Variants in ZFAT observed in about 807,000 individuals in gnomAD.
ZFAT encodes the protein zinc finger and AT-hook domain containing.
Under a neutral mutation model 117.7 loss-of-function variants are expected in ZFAT, and 64 were observed. The ratio of observed to expected loss-of-function variants is 0.54; its 90% confidence interval spans 0.44 to 0.67. The LOEUF is 0.67. ZFAT is among the 30% of genes least tolerant of loss of function. ZFAT has a pLI of 0.00. For synonymous variants in ZFAT, 679 were observed against 615.0 expected, an observed-to-expected ratio of 1.10 and a Z score of -1.54; for missense variants, 1,433 against 1,584.5, an observed-to-expected ratio of 0.90 and a Z score of 1.62.
intron 1 of ZFAT, among the ~76,000 whole-genome samples, chr8:134,682,727 A>G (rs138049088): frequency 6.6e-6 from 1 of 152,302 alleles, no homozygotes; most frequent in East Asian, 1.9e-4. Flanking sequence ...ACATTTCCAT[A>G]TAACTGGGCA....
At chr8:134,644,300 G>A (rs118082049) in intron 2 of ZFAT, among the ~76,000 whole-genome samples, 1,746 of 152,266 alleles carry the variant, frequency 0.011, 15 homozygotes, top group Middle Eastern at 0.054. Context: ...AAGAAAGGAA[G>A]AATTCCTGCA....
At chr8:134,670,566 C>T (rs1454930900) in intron 1 of ZFAT, among the ~76,000 whole-genome samples, 1 of 152,192 alleles carries the variant, frequency 6.6e-6, no homozygotes, top group African/African-American at 2.4e-5. Flanking sequence ...AGAACAAAGA[C>T]ACAACATACC....
chr8:134,744,882 A>G, the ZFAT span, among the ~76,000 whole-genome samples: 2 of 151,664 alleles, frequency 1.3e-5, no homozygotes, highest in Admixed American at 6.6e-5. Context: ...GGCGCCCGCC[A>G]CCAGGCCCGG....
the ZFAT span, among the ~76,000 whole-genome samples, chr8:134,831,221 G>C: frequency 6.6e-6 from 1 of 152,126 alleles, no homozygotes; most frequent in African/African-American, 2.4e-5. Flanking sequence ...CTTGCTTCGG[G>C]GCTTTAGAAT....
chr8:134,483,495 C>G (rs185576119), intron 15 of ZFAT, among the ~76,000 whole-genome samples: 1 of 152,150 alleles, frequency 6.6e-6, no homozygotes, highest in Non-Finnish European at 1.5e-5. Context: ...GAACTCTCAA[C>G]CACTCTCTTT....
the ZFAT span, among the ~76,000 whole-genome samples, chr8:134,813,521 T>G: frequency 2.0e-5 from 3 of 152,214 alleles, no homozygotes; most frequent in Non-Finnish European, 4.4e-5. Flanking sequence ...CAAGTGATTC[T>G]CCTGCCTCAG....
the ZFAT span, among the ~76,000 whole-genome samples, chr8:134,770,033 C>T: frequency 6.6e-6 from 1 of 152,232 alleles, no homozygotes; most frequent in Non-Finnish European, 1.5e-5. Flanking sequence ...ACTTTTTCTT[C>T]CTAGGCCTTC....
chr8:134,487,472 T>G (rs1473600915), intron 15 of ZFAT, among the ~76,000 whole-genome samples: 1 of 152,158 alleles, frequency 6.6e-6, no homozygotes, highest in Admixed American at 6.5e-5. Flanking sequence ...CCTCAGCTAG[T>G]AACAGGTGAT....
chr8:134,800,495 T>C, the ZFAT span: 2 of 495,018 alleles, frequency 4.0e-6, no homozygotes, highest in Non-Finnish European at 8.5e-6. Context: ...TGCCAAATCT[T>C]TTATCAATGT....
At chr8:134,802,451 C>G in the ZFAT span, among the ~76,000 whole-genome samples, 1 of 152,162 alleles carries the variant, frequency 6.6e-6, no homozygotes, top group Non-Finnish European at 1.5e-5. Flanking sequence ...TAACCTCAAG[C>G]CCATGACTCA....
chr8:134,723,278 A>G, the ZFAT span: 1 of 152,150 alleles, frequency 6.6e-6, no homozygotes, highest in Non-Finnish European at 1.5e-5. Flanking sequence ...CTCTTATCAC[A>G]TCGCTCCACC....
intron 10 of ZFAT, among the ~76,000 whole-genome samples, chr8:134,568,148 T>C (rs1824612272): frequency 6.6e-6 from 1 of 152,224 alleles, no homozygotes; most frequent in Admixed American, 6.5e-5. Flanking sequence ...TCAGCCTCAA[T>C]AACAGCAGCA....
At chr8:134,587,451 C>A (rs1236504146) in intron 9 of ZFAT, among the ~76,000 whole-genome samples, 1 of 152,110 alleles carries the variant, frequency 6.6e-6, no homozygotes, top group African/African-American at 2.4e-5. Flanking sequence ...CATTTTATCC[C>A]ATATTATAGA....
intron 11 of ZFAT, among the ~76,000 whole-genome samples, chr8:134,561,962 G>A (rs546493098): frequency 6.6e-6 from 1 of 152,220 alleles, no homozygotes; most frequent in South Asian, 2.1e-4. Context: ...ATGTTACCTT[G>A]CATGGCAAAA....
chr8:134,653,870 CA>C (rs1241902021), intron 2 of ZFAT, among the ~76,000 whole-genome samples: 6 of 152,232 alleles, frequency 3.9e-5, no homozygotes, highest in African/African-American at 1.2e-4. Flanking sequence ...AAGCAACTAA[CA>C]GTGTATTTAT....
chr8:134,518,308 A>C (rs1293042926), intron 13 of ZFAT, among the ~76,000 whole-genome samples: 1 of 152,216 alleles, frequency 6.6e-6, no homozygotes, highest in East Asian at 1.9e-4. Flanking sequence ...GGATTATTGA[A>C]TTAATGGATA....
At chr8:134,524,511 C>T (rs1056832961) in intron 12 of ZFAT, among the ~76,000 whole-genome samples, 1 of 152,048 alleles carries the variant, frequency 6.6e-6, no homozygotes, top group African/African-American at 2.4e-5. Flanking sequence ...TTACTTAGGC[C>T]AGTGGTTCTA....
At chr8:134,644,654 G>A (rs913062740) in intron 2 of ZFAT, among the ~76,000 whole-genome samples, 5 of 150,062 alleles carry the variant, frequency 3.3e-5, no homozygotes, top group African/African-American at 9.9e-5. Flanking sequence ...ACACACAAAC[G>A]TGCACTTACA....
intron 11 of ZFAT, among the ~76,000 whole-genome samples, chr8:134,556,041 A>G (rs1823583164): frequency 1.2e-5 from 1 of 82,328 alleles, no homozygotes; most frequent in African/African-American, 4.6e-5. Context: ...AGAAGGAAGG[A>G]AGGAAGGAAG....
Sources: gnomAD v4.1 joint callset for allele counts (sites outside exome capture counted in the v4.1 genomes callset) on GRCh38, gnomAD v4.1.1 for gene constraint, MANE v1.5 for transcripts, NCBI Gene and HGNC (gene_info 2026-07-23, HGNC 2026-07-21) for gene names.